The following HTRA1 variants were observed in gnomAD, a reference collection of about 807,000 sequenced individuals.
HTRA1 encodes serine protease HTRA1.
Under a neutral mutation model 49.7 loss-of-function variants are expected in HTRA1, and 26 were observed. The ratio of observed to expected loss-of-function variants is 0.52; its 90% CI spans 0.38 to 0.73. The LOEUF is 0.73. HTRA1 is among the 30% of genes least tolerant of loss of function. The pLI, the probability that HTRA1 is intolerant of heterozygous loss-of-function variation, is 0.00. For missense variants in HTRA1, 561 were observed against 667.2 expected (o/e 0.84, Z 1.75); for synonymous variants, 291 against 286.9 (o/e 1.01, Z -0.14).
At position 122,510,112 on chromosome 10, in the gene HTRA1, G is replaced by T; in HGVS notation, c.1137G>T (p.Lys379Asn). ...DRQAKGKAIT[K>N]KKYIGIRMMS... ...TCTCACCAGGAAAAGCCATCACCAA[G>T]AAGAAGTATATTGGTATCCGAATGA... Residue 379 changes from lysine to asparagine, a missense_variant, in exon 7 of 9, where the codon AAG becomes AAT. By Grantham distance (94) the Lys-to-Asn change is moderately conservative. Coordinates refer to ENST00000368984, the MANE Select transcript of HTRA1 (RefSeq NM_002775.5). 6.2e-7 allele frequency: 1 copy of T among 1,614,038 alleles called. No homozygotes were observed. The highest frequency in any genetic ancestry group is 8.5e-7 in the Non-Finnish European group (1 of 1,179,894).
intron 3 of HTRA1, among the ~76,000 whole-genome samples, chr10:122,499,829 C>T (rs1040225544): frequency 4.6e-5 from 7 of 152,132 alleles, no homozygotes; most frequent in Non-Finnish European, 4.4e-5. Flanking sequence ...CAGTTGAGTC[C>T]CAGCCAGTTG....
chr10:122,488,225 TG>T (rs2097493943), intron 1 of HTRA1, among the ~76,000 whole-genome samples: 2 of 152,084 alleles, frequency 1.3e-5, no homozygotes, highest in South Asian at 4.1e-4. Context: ...TTCTTTGTAA[TG>T]GTGGGGACTC....
rs952385517 is a variant in HTRA1, at chr10:122,462,086, C to T, written c.434C>T (p.Pro145Leu). The T allele has an allele frequency of 6.5e-6, 10 of 1,534,398 alleles. No homozygotes were observed. The highest frequency in any genetic ancestry group is 6.1e-6 in the Non-Finnish European group (7 of 1,146,644). Reference protein sequence around the residue: ...ASRRSERLHRPPVIVLQRGAC... With the variant: ...ASRRSERLHRLPVIVLQRGAC... ...CGCCGCTCCGAGAGGCTGCACCGGC[C>T]GCCGGTCATCGTCCTGCAGCGCGGA... The change falls in exon 1 of 9, where the codon CCG becomes CTG. Residue 145 changes from proline (P) to leucine (L), a missense_variant. This residue lies in a region of HTRA1 where 271 missense variants were observed against 410.0 expected (regional missense o/e 0.66). Coordinates refer to ENST00000368984, the MANE Select transcript of HTRA1 (RefSeq NM_002775.5).
intron 1 of HTRA1, among the ~76,000 whole-genome samples, chr10:122,465,236 A>G (rs1265190019): frequency 6.6e-6 from 1 of 152,218 alleles, no homozygotes; most frequent in African/African-American, 2.4e-5. Context: ...ATGGGAAAGT[A>G]TACAATTCAG....
chr10:122,477,158 T>A (rs368268586), intron 1 of HTRA1, among the ~76,000 whole-genome samples: 71 of 151,830 alleles, frequency 4.7e-4, no homozygotes, highest in South Asian at 2.1e-3. Context: ...TAGTAGAGAC[T>A]GGGTTTCACT....
intron 3 of HTRA1, among the ~76,000 whole-genome samples, chr10:122,496,995 C>A (rs2097498989): frequency 6.6e-6 from 1 of 152,182 alleles, no homozygotes; most frequent in Non-Finnish European, 1.5e-5. Flanking sequence ...CAAAGATTCA[C>A]AATGATACGA....
intron 3 of HTRA1, among the ~76,000 whole-genome samples, chr10:122,505,464 G>A (rs754189918): frequency 3.3e-5 from 5 of 152,102 alleles, no homozygotes; most frequent in Non-Finnish European, 5.9e-5. Flanking sequence ...CTGTTTTTCC[G>A]ATCCCAGTCC....
chr10:122,512,640 T>C (rs531033107), intron 8 of HTRA1, among the ~76,000 whole-genome samples: 2 of 152,368 alleles, frequency 1.3e-5, no homozygotes, highest in African/African-American at 4.8e-5. Flanking sequence ...TCTGGCCCAC[T>C]GCCTGCTTTT....
At chr10:122,488,386 G>A (rs1167131265) in intron 1 of HTRA1, among the ~76,000 whole-genome samples, 4 of 152,094 alleles carry the variant, frequency 2.6e-5, no homozygotes, top group Admixed American at 1.3e-4. Context: ...TGGCCAACGT[G>A]GTGAAACCCG....
At chr10:122,492,628 G>A (rs981671286) in intron 3 of HTRA1, among the ~76,000 whole-genome samples, 2 of 152,152 alleles carry the variant, frequency 1.3e-5, no homozygotes, top group Non-Finnish European at 1.5e-5. Flanking sequence ...GCCATTGCGC[G>A]TGGCTGTAAA....
At chr10:122,510,569 CGT>C (rs1025328594) in intron 7 of HTRA1, among the ~76,000 whole-genome samples, 1 of 152,134 alleles carries the variant, frequency 6.6e-6, no homozygotes, top group African/African-American at 2.4e-5. Context: ...CTCTGCAGCT[CGT>C]GGGCCGCGGC....
intron 1 of HTRA1, among the ~76,000 whole-genome samples, chr10:122,488,248 G>T (rs530768282): frequency 5.3e-5 from 8 of 152,244 alleles, no homozygotes; most frequent in African/African-American, 1.4e-4. Context: ...GGGAAGGGAC[G>T]CAGGCAGAGG....
chr10:122,505,255 G>T (rs550697575), intron 3 of HTRA1, among the ~76,000 whole-genome samples: 1 of 152,252 alleles, frequency 6.6e-6, no homozygotes, highest in East Asian at 1.9e-4. Context: ...CATGGACAGT[G>T]CTCTCCTGGT....
chr10:122,482,208 C>G (rs2253761), intron 1 of HTRA1, among the ~76,000 whole-genome samples: 40,146 of 152,020 alleles, frequency 0.26, 6,083 homozygotes, highest in East Asian at 0.37. Context: ...GATATGTGCA[C>G]CTGTTGGGTG....
At chr10:122,479,370 C>T (rs1056870681) in intron 1 of HTRA1, among the ~76,000 whole-genome samples, 5 of 152,124 alleles carry the variant, frequency 3.3e-5, no homozygotes, top group African/African-American at 1.2e-4. Context: ...AGCTCTGAGG[C>T]TTAGGGCAAC....
At chr10:122,485,815 G>A (rs567810625) in intron 1 of HTRA1, among the ~76,000 whole-genome samples, 5 of 152,324 alleles carry the variant, frequency 3.3e-5, no homozygotes, top group Admixed American at 6.5e-5. Context: ...GTGGGAAGGC[G>A]CTGGTAATGG....
chr10:122,491,909 CT>C (rs903823447), intron 3 of HTRA1, among the ~76,000 whole-genome samples: 1 of 152,044 alleles, frequency 6.6e-6, no homozygotes. Flanking sequence ...GACTAAACTG[CT>C]TTTTTTTGCT....
chr10:122,507,016 G>T, intron 4 of HTRA1, 131 bp downstream of exon 4: 1 of 837,766 alleles, frequency 1.2e-6, no homozygotes, highest in Non-Finnish European at 1.9e-6. Context: ...AAGCCATGTG[G>T]ATTCTAGTGC....
At chr10:122,502,626 G>T (rs927538773) in intron 3 of HTRA1, among the ~76,000 whole-genome samples, 7 of 152,216 alleles carry the variant, frequency 4.6e-5, no homozygotes, top group Non-Finnish European at 8.8e-5. Context: ...GTCCCTGCAG[G>T]CTGGGGGCCA....
Sources: allele counts gnomAD v4.1 joint callset (sites outside exome capture counted in the v4.1 genomes callset), GRCh38; gene constraint gnomAD v4.1.1; regional missense constraint gnomAD v4.1.1; transcripts MANE v1.5; gene names NCBI Gene and HGNC (gene_info 2026-07-23, HGNC 2026-07-21).